Variants in DIAPH3 observed in about 807,000 individuals in gnomAD.
DIAPH3 encodes the protein protein diaphanous homolog 3.
In DIAPH3, 117 loss-of-function variants were observed where a neutral mutation model predicts 144.3. The ratio of observed to expected loss-of-function variants is 0.81; its 90% CI spans 0.70 to 0.95. The LOEUF is 0.95. Among genes scored for constraint, DIAPH3 ranks in the 40% least tolerant of loss-of-function variants. DIAPH3 has a pLI of 0.00. For missense variants in DIAPH3, 1,421 were observed against 1,412.7 expected, an observed-to-expected ratio of 1.01 and a Z score of -0.09; for synonymous variants, 519 against 488.9, an observed-to-expected ratio of 1.06 and a Z score of -0.81.
rs560012863 is a variant in DIAPH3 at position 59,722,369 on chromosome 13, C to T, written c.3319+51820G>A. Among the ~76,000 whole-genome samples the T allele has an allele frequency of 2.0e-5, 3 of 152,274 alleles. No homozygotes were observed. In the East Asian group the frequency reaches 5.8e-4, roughly 29 times the overall value. On this transcript the variant is annotated intron_variant, in intron 27 of 27. Transcript: ENST00000400324. ...GTTATGGTGGACTGACATTCAACAT[C>T]CATTTTTAACCATCTACTAGAGTGT...
intron 22 of DIAPH3, among the ~76,000 whole-genome samples, chr13:59,841,736 T>C (rs982114985): frequency 2.0e-5 from 3 of 152,168 alleles, no homozygotes; most frequent in Non-Finnish European, 4.4e-5. Context: ...ATAAAAATAA[T>C]AGTAATGGTA....
intron 18 of DIAPH3, among the ~76,000 whole-genome samples, chr13:59,920,249 C>CA (rs1351470937): frequency 6.6e-6 from 1 of 151,676 alleles, no homozygotes; most frequent in South Asian, 2.1e-4. Context: ...AATTAAAAGA[C>CA]AGAGTGGCTG....
At chr13:59,938,867 A>C (rs2048385404) in intron 17 of DIAPH3, among the ~76,000 whole-genome samples, 2 of 152,196 alleles carry the variant, frequency 1.3e-5, no homozygotes, top group Non-Finnish European at 2.9e-5. Context: ...TAAGTTCTAA[A>C]GACGGATGGT....
In DIAPH3 at chr13:59,774,215, C is replaced by T. The variant is rs567082956; in HGVS notation, c.3293G>A (p.Arg1098Lys). The change falls in exon 27 of 28, where the codon AGG becomes AAG. Residue 1098 changes from arginine (R) to lysine (K), a missense_variant. Coordinates refer to ENST00000400324, the MANE Select transcript of DIAPH3 (RefSeq NM_001042517.2). Reference sequence around the variant, plus strand: ...ATGGTTACAAACTTTCAGAACAGGCCTCTGAGACATTGGACTGAGACTCTG... The same window carrying T: ...ATGGTTACAAACTTTCAGAACAGGCTTCTGAGACATTGGACTGAGACTCTG... ...VRQSLSPMSQ[R>K]PVLKVCNHEN... 7 of 1,612,822 alleles carry T rather than the reference C, an allele frequency of 4.3e-6. No individual in the cohort carries two copies. The highest frequency in any genetic ancestry group is 5.9e-6 in the Non-Finnish European group (7 of 1,179,696).
intron 4 of DIAPH3, among the ~76,000 whole-genome samples, chr13:60,069,954 T>C (rs2057135368): frequency 6.6e-6 from 1 of 152,230 alleles, no homozygotes; most frequent in Non-Finnish European, 1.5e-5. Context: ...GTCTTGGCTA[T>C]TCAAGCTCTT....
intron 24 of DIAPH3, among the ~76,000 whole-genome samples, chr13:59,813,537 C>T (rs1006382650): frequency 1.3e-5 from 2 of 151,916 alleles, no homozygotes; most frequent in African/African-American, 4.8e-5. Flanking sequence ...TAAGAGGCAG[C>T]TATGAGACAA....
intron 5 of DIAPH3, among the ~76,000 whole-genome samples, chr13:60,039,794 G>GT (rs2055500687): frequency 2.0e-5 from 3 of 152,162 alleles, no homozygotes; most frequent in Middle Eastern, 3.4e-3. Flanking sequence ...GTCACATACT[G>GT]TATAAAAATT....
chr13:60,003,530 G>GATAT (rs1448657333), intron 9 of DIAPH3, among the ~76,000 whole-genome samples: 7 of 149,222 alleles, frequency 4.7e-5, no homozygotes, highest in African/African-American at 1.7e-4. Context: ...TATATATATA[G>GATAT]ATATATCTAT....
chr13:60,107,714 A>G (rs1196363517), intron 3 of DIAPH3, among the ~76,000 whole-genome samples: 1 of 152,236 alleles, frequency 6.6e-6, no homozygotes, highest in Non-Finnish European at 1.5e-5. Context: ...ACATCTTCCC[A>G]GTAAAAGAAT....
At chr13:59,841,444 A>T (rs1345078033) in intron 22 of DIAPH3, among the ~76,000 whole-genome samples, 1 of 152,008 alleles carries the variant, frequency 6.6e-6, no homozygotes, top group African/African-American at 2.4e-5. Flanking sequence ...AAAAAAAAAA[A>T]TTAGCCAGCC....
chr13:59,851,616 C>A (rs1450297765), intron 22 of DIAPH3, among the ~76,000 whole-genome samples: 18 of 147,196 alleles, frequency 1.2e-4, no homozygotes, highest in Middle Eastern at 3.5e-3. Flanking sequence ...ATGACTGATT[C>A]AACAATGAAT....
chr13:59,951,385 G>A (rs1411398843), intron 17 of DIAPH3, among the ~76,000 whole-genome samples: 5 of 152,134 alleles, frequency 3.3e-5, no homozygotes, highest in African/African-American at 1.2e-4. Flanking sequence ...GCTGAACTGT[G>A]AGTCAATTAA....
chr13:59,713,874 A>C (rs564382394), intron 27 of DIAPH3, among the ~76,000 whole-genome samples: 7 of 152,336 alleles, frequency 4.6e-5, no homozygotes, highest in Admixed American at 3.3e-4. Context: ...TGAGTTGCTG[A>C]GCCATGGATA....
chr13:59,698,560 C>T (rs192221603), intron 27 of DIAPH3, among the ~76,000 whole-genome samples: 397 of 152,256 alleles, frequency 2.6e-3, no homozygotes, highest in Non-Finnish European at 3.5e-3. Context: ...AAGCAAAAAT[C>T]CCTTTCATCT....
intron 23 of DIAPH3, 33 bp from the exon 24 acceptor site, chr13:59,833,304 A>G (rs957209871): frequency 6.4e-7 from 1 of 1,558,924 alleles, no homozygotes; most frequent in African/African-American, 1.4e-5. Context: ...TGAAATTTAC[A>G]AAGTAATGCT....
intron 2 of DIAPH3, 97 bp from the exon 3 acceptor site, chr13:60,112,283 TATC>T: frequency 7.2e-7 from 1 of 1,388,726 alleles, no homozygotes; most frequent in Non-Finnish European, 1.0e-6. Context: ...CCAATCGTGT[TATC>T]ATTGTGATTT....
At chr13:59,888,827 AT>A (rs969629740) in intron 20 of DIAPH3, among the ~76,000 whole-genome samples, 92 of 150,700 alleles carry the variant, frequency 6.1e-4, no homozygotes, top group East Asian at 3.3e-3. Flanking sequence ...ATGTCACCTT[AT>A]TTTTTTTTAA....
At chr13:59,846,358 T>A (rs988489411) in intron 22 of DIAPH3, among the ~76,000 whole-genome samples, 2 of 152,164 alleles carry the variant, frequency 1.3e-5, no homozygotes, top group Non-Finnish European at 2.9e-5. Context: ...GAAATTGATT[T>A]CTTTAAGGAA....
At chr13:59,952,147 C>A (rs749879686) in intron 17 of DIAPH3, among the ~76,000 whole-genome samples, 1 of 152,044 alleles carries the variant, frequency 6.6e-6, no homozygotes, top group South Asian at 2.1e-4. Context: ...AAGCCAGATA[C>A]GGTAAGTCAC....
Sources: gnomAD v4.1 joint callset for allele counts (sites outside exome capture counted in the v4.1 genomes callset) on GRCh38, gnomAD v4.1.1 for gene constraint, MANE v1.5 for transcripts, NCBI Gene and HGNC (gene_info 2026-07-23, HGNC 2026-07-21) for gene names.